ITPK1: variants seen among roughly 807,000 people sequenced by gnomAD.
ITPK1 encodes the protein inositol-tetrakisphosphate 1-kinase, also known as inositol 1,3,4-trisphosphate 5/6-kinase.
Under a neutral mutation model 45.3 loss-of-function variants are expected in ITPK1, and 21 were observed. The ratio of observed to expected loss-of-function variants is 0.46; its 90% CI spans 0.33 to 0.67. The LOEUF (loss-of-function observed/expected upper bound fraction) is 0.67. Among genes scored for constraint, ITPK1 ranks in the 30% least tolerant of loss-of-function variants. The pLI, the probability that ITPK1 is intolerant of heterozygous loss-of-function variation, is 0.02. For synonymous variants in ITPK1, 258 were observed against 253.6 expected (o/e 1.02, Z -0.16); for missense variants, 474 against 573.5 (o/e 0.83, Z 1.77).
At chr14:93,007,229 T>C (rs1887661526) in intron 4 of ITPK1, among the ~76,000 whole-genome samples, 1 of 152,174 alleles carries the variant, frequency 6.6e-6, no homozygotes, top group East Asian at 1.9e-4. Flanking sequence ...CCTACATGCA[T>C]TCCCACGCAC....
At chr14:93,108,115 C>T (rs1263200507) in intron 2 of ITPK1, among the ~76,000 whole-genome samples, 1 of 152,186 alleles carries the variant, frequency 6.6e-6, no homozygotes, top group Non-Finnish European at 1.5e-5. Context: ...CAAGGCCACA[C>T]ACACCCGGGC....
intron 4 of ITPK1, among the ~76,000 whole-genome samples, chr14:93,004,763 G>A (rs1183772898): frequency 6.6e-6 from 1 of 152,056 alleles, no homozygotes; most frequent in Non-Finnish European, 1.5e-5. Context: ...AGCAATAAAG[G>A]AGCAGAGGAG....
intron 2 of ITPK1, among the ~76,000 whole-genome samples, chr14:93,102,223 T>A (rs1892347312): frequency 6.6e-6 from 1 of 152,224 alleles, no homozygotes. Context: ...GCTACAGGCT[T>A]CCCCAGAGCA....
At chr14:93,083,057 A>G (rs936091395) in intron 2 of ITPK1, among the ~76,000 whole-genome samples, 1 of 152,196 alleles carries the variant, frequency 6.6e-6, no homozygotes, top group African/African-American at 2.4e-5. Context: ...ACTCTGGATG[A>G]CCCAGCACTG....
intron 2 of ITPK1, among the ~76,000 whole-genome samples, chr14:93,097,756 C>T (rs1468957757): frequency 6.6e-6 from 1 of 152,226 alleles, no homozygotes; most frequent in Admixed American, 6.5e-5. Context: ...TGCCTGTAAT[C>T]CCAGCATTTT....
At chr14:93,084,826 C>A (rs1248946759) in intron 2 of ITPK1, among the ~76,000 whole-genome samples, 1 of 152,198 alleles carries the variant, frequency 6.6e-6, no homozygotes, top group African/African-American at 2.4e-5. Context: ...GATCCCCCTG[C>A]CAGGCACCCT....
intron 2 of ITPK1, among the ~76,000 whole-genome samples, chr14:93,087,085 A>T (rs1302263654): frequency 2.0e-5 from 3 of 152,218 alleles, no homozygotes; most frequent in African/African-American, 7.2e-5. Flanking sequence ...GTAACAAATC[A>T]CAACAGTAGT....
chr14:93,015,770 AG>A (rs1845781511), intron 4 of ITPK1, among the ~76,000 whole-genome samples: 1 of 152,300 alleles, frequency 6.6e-6, no homozygotes, highest in Middle Eastern at 3.4e-3. Flanking sequence ...CAAGGAAGCA[AG>A]GGGGGCCAAG....
chr14:92,997,681 C>T (rs1341826614), intron 4 of ITPK1, among the ~76,000 whole-genome samples: 1 of 152,218 alleles, frequency 6.6e-6, no homozygotes, highest in Admixed American at 6.5e-5. Flanking sequence ...GCGCCGTCTC[C>T]ATGGCAAATT....
At chr14:92,990,769 G>A (rs1438421314) in intron 5 of ITPK1, among the ~76,000 whole-genome samples, 1 of 152,118 alleles carries the variant, frequency 6.6e-6, no homozygotes, top group East Asian at 1.9e-4. Context: ...GGAGACAGAC[G>A]GCCCACCTGA....
chr14:93,042,921 G>A (rs1889618744), intron 3 of ITPK1, among the ~76,000 whole-genome samples: 1 of 152,048 alleles, frequency 6.6e-6, no homozygotes, highest in Non-Finnish European at 1.5e-5. Context: ...GGGAGGCTGA[G>A]GCAAGAGAAT....
At chr14:93,095,391 C>T (rs550385282) in intron 2 of ITPK1, among the ~76,000 whole-genome samples, 35 of 152,294 alleles carry the variant, frequency 2.3e-4, no homozygotes, top group African/African-American at 7.2e-4. Context: ...CAGAGAAGCT[C>T]GCTAACTTGC....
intron 2 of ITPK1, among the ~76,000 whole-genome samples, chr14:93,100,886 G>A (rs942473457): frequency 6.6e-6 from 1 of 152,192 alleles, no homozygotes; most frequent in Non-Finnish European, 1.5e-5. Context: ...CCACTCCATA[G>A]GTCTCACTGT....
At chr14:93,052,753 C>G (rs4117) in intron 3 of ITPK1, among the ~76,000 whole-genome samples, 9,569 of 152,254 alleles carry the variant, frequency 0.063, 404 homozygotes, top group South Asian at 0.19. Flanking sequence ...GTACAGGAAA[C>G]AGCCCTACAT....
intron 10 of ITPK1, among the ~76,000 whole-genome samples, chr14:92,943,324 C>A (rs764143651): frequency 3.9e-5 from 6 of 152,244 alleles, no homozygotes; most frequent in Admixed American, 6.5e-5. Flanking sequence ...GCCCACCGCA[C>A]CCCTGCAGCC....
At chr14:93,071,721 C>G (rs1315047305) in intron 3 of ITPK1, 2 of 152,084 alleles carry the variant, frequency 1.3e-5, no homozygotes, top group Admixed American at 6.5e-5. Flanking sequence ...TTCCTTTTTT[C>G]CTCCACAAAC....
chr14:93,098,122 C>A (rs1169283021), intron 2 of ITPK1, among the ~76,000 whole-genome samples: 1 of 152,014 alleles, frequency 6.6e-6, no homozygotes. Context: ...AGTTTGAGAC[C>A]AGCCTGACCA....
At chr14:93,068,019 AAT>A (rs1449449764) in intron 3 of ITPK1, 1 of 153,572 alleles carries the variant, frequency 6.5e-6, no homozygotes. Context: ...AAAAAAAAAA[AAT>A]ACTATATTCT....
chr14:93,114,938 C>T (rs1301199198), intron 2 of ITPK1, 131 bp downstream of exon 2: 1 of 521,306 alleles, frequency 1.9e-6, no homozygotes, highest in Non-Finnish European at 3.3e-6. Context: ...GACTCAGTCT[C>T]CCCGCGCGCC....
Sources: allele counts gnomAD v4.1 joint callset (sites outside exome capture counted in the v4.1 genomes callset), GRCh38; gene constraint gnomAD v4.1.1; transcripts MANE v1.5; gene names NCBI Gene and HGNC (gene_info 2026-07-23, HGNC 2026-07-21).